Variants in ETS1 observed in about 807,000 individuals in gnomAD.
ETS1 encodes protein C-ets-1.
ETS1 carries 15 observed loss-of-function variants against 58.6 expected under a neutral mutation model. The ratio of observed to expected loss-of-function variants is 0.26; its 90% CI spans 0.17 to 0.39. The LOEUF (loss-of-function observed/expected upper bound fraction) is 0.39. ETS1 is among the 10% of genes least tolerant of loss of function. The pLI is 1.00. For missense variants in ETS1, 417 were observed against 610.5 expected, an observed-to-expected ratio of 0.68 and a Z score of 3.34; for synonymous variants, 214 against 218.2, an observed-to-expected ratio of 0.98 and a Z score of 0.17.
At chr11:128,495,803 G>A (rs1862923928) in intron 3 of ETS1, among the ~76,000 whole-genome samples, 1 of 152,198 alleles carries the variant, frequency 6.6e-6, no homozygotes. Flanking sequence ...CGCCATTAGT[G>A]TAGACACACT....
intron 3 of ETS1, among the ~76,000 whole-genome samples, chr11:128,531,378 A>G (rs1262944947): frequency 1.3e-5 from 2 of 152,210 alleles, no homozygotes; most frequent in Non-Finnish European, 2.9e-5. Flanking sequence ...GTAACCCTTC[A>G]CTGCTATTAT....
At chr11:128,561,477 TTAAGA>T (rs1179530781) in intron 2 of ETS1, among the ~76,000 whole-genome samples, 2 of 152,238 alleles carry the variant, frequency 1.3e-5, no homozygotes, top group African/African-American at 4.8e-5. Flanking sequence ...AGATATTACA[TTAAGA>T]TATTATTCAA....
chr11:128,575,954 C>T (rs10790964), intron 1 of ETS1, among the ~76,000 whole-genome samples: 63,626 of 152,050 alleles, frequency 0.42, 13,692 homozygotes, highest in Non-Finnish European at 0.46. Flanking sequence ...GACAACACTC[C>T]CCCTCATAGC....
intron 3 of ETS1, among the ~76,000 whole-genome samples, chr11:128,515,798 G>A (rs1863508023): frequency 6.6e-6 from 1 of 152,094 alleles, no homozygotes; most frequent in Non-Finnish European, 1.5e-5. Context: ...AGCACTATCT[G>A]GGTCAATATT....
At chr11:128,483,864 C>T (rs575866176) in intron 7 of ETS1, among the ~76,000 whole-genome samples, 24 of 152,346 alleles carry the variant, frequency 1.6e-4, no homozygotes, top group African/African-American at 5.3e-4. Flanking sequence ...ACCCAAGCCC[C>T]GCTTGATCAG....
In ETS1 at chr11:128,464,624, A is replaced by G. The variant is rs1861986559; in HGVS notation, c.1124-997T>C. 6.6e-6 allele frequency among the ~76,000 whole-genome samples: 1 copy of G among 152,126 alleles called. No homozygotes were observed. The highest frequency in any genetic ancestry group is 6.5e-5 in the Admixed American group (1 of 15,274). On this transcript the variant is annotated intron_variant, in intron 8 of 9. Transcript: ENST00000392668. The surrounding 1 kb of genome is among the most constrained non-coding windows in gnomAD (Gnocchi z 4.1). The stretch of plus-strand genomic sequence containing the variant: ...ACAAACTGGGCAGAGCGGGACTGGG[A>G]AAGACCCAGTCCATGTCTCTGGATA...
At position 128,498,916 on chromosome 11, in the gene ETS1, T is replaced by C. The variant is rs1218266680; in HGVS notation, c.215-8340A>G. On this transcript the variant is annotated intron_variant, in intron 3 of 9. Transcript: ENST00000392668. ...TCCCACCACATGACATACTTTATAGTTCCTAAATGTCCCAGAACAGTGTGA... is the reference window on the plus strand; with the variant it reads ...TCCCACCACATGACATACTTTATAGCTCCTAAATGTCCCAGAACAGTGTGA... 2.0e-5 allele frequency among the ~76,000 whole-genome samples: 3 copies of C among 152,252 alleles called. No individual in the cohort carries two copies. The East Asian group carries it at 5.8e-4, about 29-fold the overall frequency.
chr11:128,586,013 A>G (rs1485414361), intron 1 of ETS1, among the ~76,000 whole-genome samples: 1 of 152,180 alleles, frequency 6.6e-6, no homozygotes, highest in Non-Finnish European at 1.5e-5. Flanking sequence ...GCTCTGCCTC[A>G]GGACATCCTT....
Position 128,487,710 on chromosome 11 carries a change from G to A in ETS1, c.536-1564C>T, listed in dbSNP as rs180812898. Among the ~76,000 whole-genome samples the A allele has an allele frequency of 2.6e-3, 393 of 152,196 alleles. 2 individuals are homozygous for A. Among genetic ancestry groups the A allele is most frequent in the Non-Finnish European group, 3.9e-3 (265 of 68,014 alleles). On this transcript the variant is annotated intron_variant, in intron 5 of 9. Transcript: ENST00000392668. ...GCCGACATCGCGCGACTGCACTCCA[G>A]CCTGGGTGACAGAGCAAGACTCTGT...
intron 3 of ETS1, among the ~76,000 whole-genome samples, chr11:128,545,839 A>G (rs1864124874): frequency 1.3e-5 from 2 of 152,272 alleles, no homozygotes; most frequent in Admixed American, 1.3e-4. Context: ...ATGTGGCATC[A>G]TGGTGGTTGG....
chr11:128,473,123 T>C (rs1349498563), intron 8 of ETS1, among the ~76,000 whole-genome samples: 1 of 152,102 alleles, frequency 6.6e-6, no homozygotes, highest in Non-Finnish European at 1.5e-5. Context: ...AAAAAGTCAG[T>C]GTATATGAAG....
chr11:128,528,285 G>A (rs1328072951), intron 3 of ETS1, among the ~76,000 whole-genome samples: 3 of 152,208 alleles, frequency 2.0e-5, no homozygotes, highest in African/African-American at 7.2e-5. Flanking sequence ...CCTCATGCTG[G>A]AAGAGATGCA....
rs149151819 is a variant in ETS1, at chr11:128,584,472, T to C, written c.-15+3016A>G. On this transcript the variant is annotated intron_variant, in intron 1 of 9. Coordinates refer to ENST00000392668, the MANE Select transcript of ETS1 (RefSeq NM_001143820.2). ...ACCTGGTAAATGGGGATGACGAGAG[T>C]GGAGTGCCCACCTCAAAACTTCATT... 4.3e-3 allele frequency among the ~76,000 whole-genome samples: 650 copies of C among 152,130 alleles called. 5 individuals carry two copies. Among genetic ancestry groups the C allele is most frequent in the African/African-American group, 0.015 (617 of 41,492 alleles).
At chr11:128,486,232 A>G (rs1419751009) in intron 5 of ETS1, 86 bp from the exon 6 acceptor site, 11 of 817,050 alleles carry the variant, frequency 1.3e-5, no homozygotes, top group Non-Finnish European at 2.1e-5. Context: ...AAAGACCACA[A>G]TGATCTCAAC....
At chr11:128,511,946 T>G (rs182559403) in intron 3 of ETS1, among the ~76,000 whole-genome samples, 147 of 152,336 alleles carry the variant, frequency 9.6e-4, no homozygotes, top group Non-Finnish European at 1.5e-3. Flanking sequence ...TGAGCTCAAA[T>G]GTGGTGAAGT....
chr11:128,531,806 C>T (rs893181216), intron 3 of ETS1, among the ~76,000 whole-genome samples: 4 of 152,190 alleles, frequency 2.6e-5, no homozygotes, highest in African/African-American at 9.7e-5. Context: ...CCTTCTTAAG[C>T]AACTGGCCTC....
chr11:128,547,300 G>A (rs1020070732), intron 3 of ETS1, among the ~76,000 whole-genome samples: 3 of 152,204 alleles, frequency 2.0e-5, no homozygotes, highest in Admixed American at 2.0e-4. Flanking sequence ...CTCTTTGGGA[G>A]TCTCAGACAA....
chr11:128,482,824 T>C (rs944234522), intron 7 of ETS1, among the ~76,000 whole-genome samples: 3 of 152,128 alleles, frequency 2.0e-5, no homozygotes, highest in African/African-American at 7.2e-5. Flanking sequence ...CTTCCAAAGC[T>C]ATCTGAGTCC....
Position 128,493,237 on chromosome 11 carries a change from C to A in ETS1, c.215-2661G>T, listed in dbSNP as rs12276570. 5.5e-4 allele frequency among the ~76,000 whole-genome samples: 84 copies of A among 152,276 alleles called. 1 individual carries two copies. The highest frequency in any genetic ancestry group is 5.5e-3 in the Admixed American group (84 of 15,296). On this transcript the variant is annotated intron_variant, in intron 3 of 9. Coordinates refer to ENST00000392668, the MANE Select transcript of ETS1 (RefSeq NM_001143820.2). ...GCCAGTGTGAGGTGACAGCCAAGGA[C>A]GACAGCAGAAAGCCTGAAAAAGAAG...
Sources: allele counts gnomAD v4.1 joint callset (sites outside exome capture counted in the v4.1 genomes callset), GRCh38; gene constraint gnomAD v4.1.1; non-coding constraint Gnocchi (gnomAD v3.1); transcripts MANE v1.5; gene names NCBI Gene and HGNC (gene_info 2026-07-23, HGNC 2026-07-21).